The following HDAC8 variants were observed in gnomAD, a reference collection of about 807,000 sequenced individuals.
HDAC8 encodes the protein histone deacetylase-like 1.
Under a neutral mutation model 32.2 loss-of-function variants are expected in HDAC8, and 1 was observed. That is an observed-to-expected ratio of 0.03 (90% CI 0.01 to 0.15). The LOEUF is 0.15. Among genes scored for constraint, HDAC8 ranks in the 10% least tolerant of loss-of-function variants. The probability of loss-of-function intolerance (pLI) is 1.00; values close to 1 mark genes in which losing one functional copy is unlikely to be tolerated. For synonymous variants in HDAC8, 108 were observed against 113.9 expected, an observed-to-expected ratio of 0.95 and a Z score of 0.33; for missense variants, 117 against 300.0, an observed-to-expected ratio of 0.39 and a Z score of 4.51.
At chrX:72,414,800 A>G (rs1400992322) in intron 9 of HDAC8, among the ~76,000 whole-genome samples, 3 of 111,448 alleles carry the variant, frequency 2.7e-5, no homozygotes, top group Admixed American at 9.5e-5. Flanking sequence ...GGATGCAAAT[A>G]TTGTGGTCCT....
At chrX:72,539,302 G>A (rs934861009) in intron 4 of HDAC8, among the ~76,000 whole-genome samples, 1 of 111,220 alleles carries the variant, frequency 9.0e-6, no homozygotes, top group African/African-American at 3.3e-5. Context: ...CACGATCTCC[G>A]CTCACTGCAA....
At chrX:72,457,474 A>T (rs2047750574) in intron 9 of HDAC8, among the ~76,000 whole-genome samples, 1 of 112,844 alleles carries the variant, frequency 8.9e-6, no homozygotes, top group Non-Finnish European at 1.9e-5. Context: ...TCTACAAAAA[A>T]GTTACTAGAG....
intron 9 of HDAC8, among the ~76,000 whole-genome samples, chrX:72,380,175 C>A (rs1555959524): frequency 1.8e-5 from 2 of 111,688 alleles, no homozygotes; most frequent in South Asian, 3.7e-4. Flanking sequence ...ATCTCATTCC[C>A]CAGCATTTAC....
At chrX:72,341,627 C>T (rs1555945131) in intron 10 of HDAC8, among the ~76,000 whole-genome samples, 1 of 111,636 alleles carries the variant, frequency 9.0e-6, no homozygotes, top group East Asian at 2.8e-4. Flanking sequence ...GCAGACAGAC[C>T]TCCCAGAACT....
chrX:72,474,243 A>G, intron 7 of HDAC8: 2 of 738,532 alleles, frequency 2.7e-6, no homozygotes, highest in Non-Finnish European at 3.2e-6. Context: ...GGTTCTTACA[A>G]TTTTCTATGT....
intron 9 of HDAC8, among the ~76,000 whole-genome samples, chrX:72,453,179 G>A (rs1602932802): frequency 9.1e-6 from 1 of 109,457 alleles, no homozygotes; most frequent in African/African-American, 3.3e-5. Flanking sequence ...GGGCATGGTG[G>A]CTCATGCCCA....
chrX:72,557,885 A>G (rs2147529471), intron 4 of HDAC8, among the ~76,000 whole-genome samples: 1 of 112,266 alleles, frequency 8.9e-6, no homozygotes, highest in South Asian at 3.7e-4. Context: ...AAGCTCAAGT[A>G]GAAATGAAAT....
At chrX:72,468,105 G>A in intron 7 of HDAC8, 1 of 952,889 alleles carries the variant, frequency 1.0e-6, no homozygotes, top group Middle Eastern at 2.7e-4. Context: ...AGTAAGGGCA[G>A]CTTACAGAGG....
rs1227364354 is a variant in HDAC8 at position 72,445,155 on chromosome X, C to G, written c.1005+16849G>C. On this transcript the variant is annotated intron_variant, in intron 9 of 10. Transcript: ENST00000373573. ...GCCATCCCCATCAAGCTACCAATGACTTTCCTCACAGAATTGGAAAAAACT... is the reference window on the plus strand; with the variant it reads ...GCCATCCCCATCAAGCTACCAATGAGTTTCCTCACAGAATTGGAAAAAACT... Among the ~76,000 whole-genome samples the G allele has an allele frequency of 7.3e-5, 8 of 110,212 alleles. No homozygotes were observed. The East Asian group carries it at 2.3e-3, about 31-fold the overall frequency.
intron 9 of HDAC8, among the ~76,000 whole-genome samples, chrX:72,455,309 C>T (rs1481329777): frequency 9.0e-6 from 1 of 111,497 alleles, no homozygotes; most frequent in Non-Finnish European, 1.9e-5. Context: ...TCCAATTTGA[C>T]CTAAGAATGT....
intron 4 of HDAC8, among the ~76,000 whole-genome samples, chrX:72,552,813 A>C (rs1320814916): frequency 3.3e-5 from 3 of 90,933 alleles, no homozygotes; most frequent in African/African-American, 1.8e-4. Flanking sequence ...ATGTGTATAT[A>C]TACGTATATA....
chrX:72,553,346 T>C (rs2051155761), intron 4 of HDAC8, among the ~76,000 whole-genome samples: 1 of 111,616 alleles, frequency 9.0e-6, no homozygotes, highest in African/African-American at 3.3e-5. Flanking sequence ...GCCTGGCCAA[T>C]AGCCACCATT....
At position 72,464,736 on chromosome X, in the gene HDAC8, A is replaced by G; in HGVS notation, c.738-5T>C. The G allele has an allele frequency of 8.5e-7, 1 of 1,181,490 alleles. No homozygotes were observed. Among genetic ancestry groups the G allele is most frequent in the Non-Finnish European group, 1.2e-6 (1 of 868,390 alleles). ...TGGTATACTTCCTTTAGTACACTAT[A>G]TAAAATAGAAAGGATACAAAATATA... On this transcript the variant is annotated splice_polypyrimidine_tract_variant and splice_region_variant and intron_variant, in intron 7 of 10. Transcript: ENST00000373573.
In HDAC8 at chrX:72,481,488, G is replaced by A. The variant is rs138295603; in HGVS notation, c.737+7445C>T. Among the ~76,000 whole-genome samples the A allele has an allele frequency of 2.8e-3, 315 of 111,554 alleles. 3 individuals are homozygous for A. Among genetic ancestry groups the A allele is most frequent in the African/African-American group, 9.3e-3 (286 of 30,705 alleles). ...AAGAGAATTTTAAAAAATTTGTATCGCTTAAAATAGTTATTTATGAATATG... is the reference window on the plus strand; with the variant it reads ...AAGAGAATTTTAAAAAATTTGTATCACTTAAAATAGTTATTTATGAATATG... On this transcript the variant is annotated intron_variant, in intron 7 of 10. Coordinates refer to ENST00000373573, the MANE Select transcript of HDAC8 (RefSeq NM_018486.3).
chrX:72,572,599 G>GGCCCCCCC, intron 1 of HDAC8, 52 bp downstream of exon 1: 155 of 452,917 alleles, frequency 3.4e-4, no homozygotes, highest in East Asian at 3.8e-4. Flanking sequence ...TTCGTCCACC[G>GGCCCCCCC]CCCCCACCCC....
At chrX:72,336,537 G>A (rs782447011) in intron 10 of HDAC8, among the ~76,000 whole-genome samples, 1 of 111,824 alleles carries the variant, frequency 8.9e-6, no homozygotes, top group South Asian at 3.7e-4. Flanking sequence ...ATCTTCTTTG[G>A]TGAGGTGCCT....
intron 10 of HDAC8, among the ~76,000 whole-genome samples, chrX:72,331,249 T>G (rs1242389286): frequency 6.3e-5 from 7 of 111,426 alleles, no homozygotes; most frequent in African/African-American, 2.3e-4. Context: ...CTATCTACTT[T>G]TATTTTAAAT....
chrX:72,382,960 AG>A (rs1434741553), intron 9 of HDAC8, among the ~76,000 whole-genome samples: 6 of 112,178 alleles, frequency 5.3e-5, no homozygotes, highest in African/African-American at 9.7e-5. Flanking sequence ...CCCCTAAAAA[AG>A]CTCCCATAGA....
intron 10 of HDAC8, among the ~76,000 whole-genome samples, chrX:72,347,191 TAA>T (rs1336430397): frequency 8.9e-6 from 1 of 111,863 alleles, no homozygotes; most frequent in African/African-American, 3.3e-5. Flanking sequence ...ATCTGTAAGA[TAA>T]ATAGTAGCTA....
Sources: allele counts gnomAD v4.1 joint callset (sites outside exome capture counted in the v4.1 genomes callset), GRCh38; gene constraint gnomAD v4.1.1; transcripts MANE v1.5; gene names NCBI Gene and HGNC (gene_info 2026-07-23, HGNC 2026-07-21).